The following PLEKHA4 variants were observed in gnomAD, a reference collection of about 807,000 sequenced individuals.
PLEKHA4 encodes the protein pleckstrin homology domain containing A4.
Under a neutral mutation model 94.7 loss-of-function variants are expected in PLEKHA4, and 73 were observed. The ratio of observed to expected loss-of-function variants is 0.77; its 90% CI spans 0.64 to 0.94. PLEKHA4 has a LOEUF of 0.94. PLEKHA4 is among the 40% of genes least tolerant of loss of function. PLEKHA4 has a pLI of 0.00. For missense variants in PLEKHA4, 1,049 were observed against 1,054.1 expected, an observed-to-expected ratio of 1.00 and a Z score of 0.07; for synonymous variants, 449 against 437.1, an observed-to-expected ratio of 1.03 and a Z score of -0.34.
rs374929174 is a variant in PLEKHA4, at chr19:48,861,435, G to A, written c.332C>T (p.Pro111Leu). The change falls in exon 5 of 20, where the codon CCG (proline) becomes CTG (leucine). Residue 111 changes from proline (P) to leucine (L), a missense_variant. By Grantham distance (98) the Pro-to-Leu change is moderately conservative. Transcript: ENST00000263265. ...GAAGCGCCGCCCTCGGGGGGCTCCC[G>A]GCCCATCTGGTCTAATATTGTAGCT... ...LPSYNIRPDG[P>L]GAPRGRRFTF... is the part of the protein sequence containing the mutation. The A allele has an allele frequency of 1.4e-5, 22 of 1,613,850 alleles. No individual in the cohort carries two copies. Among genetic ancestry groups the A allele is most frequent in the East Asian group, 4.5e-5 (2 of 44,890 alleles).
chr19:48,860,573 G>C, intron 5 of PLEKHA4, 114 bp from the exon 6 acceptor site: 2 of 735,748 alleles, frequency 2.7e-6, no homozygotes, highest in Non-Finnish European at 4.7e-6. Flanking sequence ...GATGCGGGAG[G>C]ATGGCTTGAG....
chr19:48,860,198 T>G (rs2036580468), intron 6 of PLEKHA4, 152 bp downstream of exon 6: 1 of 644,990 alleles, frequency 1.6e-6, no homozygotes, highest in African/African-American at 1.8e-5. Context: ...ATTGGAAAAG[T>G]TCCCTGGAGG....
chr19:48,859,182 C>G, intron 7 of PLEKHA4, 43 bp from the exon 8 acceptor site: 2 of 1,417,668 alleles, frequency 1.4e-6, no homozygotes, highest in East Asian at 2.5e-5. Context: ...AACTAGAGCC[C>G]TCTCCATCCA....
rs33993078 is a variant in PLEKHA4, at chr19:48,860,415, G to C, written c.411C>G (p.Thr137=). 0.024 allele frequency: 37,984 copies of C among 1,614,106 alleles called. 590 individuals are homozygous for C. The highest frequency in any genetic ancestry group is 0.071 in the Middle Eastern group (433 of 6,058). Residue 137 remains threonine (T), a synonymous_variant, in exon 6 of 20, where the codon ACC becomes ACG. Transcript: ENST00000263265. ...GTAGCCAGCCCCGCAGGTCTTCTAA[G>C]GTGTCAGCGGCCAAAACGTAGGTCC... ...GMRTYVLAAD[T]LEDLRGWLRA... is the part of the protein sequence containing the mutation.
In PLEKHA4 at chr19:48,858,932, T is replaced by A; in HGVS notation, c.900A>T (p.Gly300=). The A allele has an allele frequency of 6.3e-7, 1 of 1,599,458 alleles. No individual in the cohort carries two copies. The highest frequency in any genetic ancestry group is 8.5e-7 in the Non-Finnish European group (1 of 1,175,648). Reference sequence around the variant, plus strand: ...TTCCTCCCCCAGCCTCAGAGGGAGGTCCTCGGCGGGGAGTAGGGGGTCGGG... The same window carrying A: ...TTCCTCCCCCAGCCTCAGAGGGAGGACCTCGGCGGGGAGTAGGGGGTCGGG... The part of the protein sequence containing the change: ...TLSRPPTPRR[G]PPSEAGGGKP... The change falls in exon 8 of 20, where the codon GGA becomes GGT. Residue 300 remains glycine (G), a synonymous_variant. Transcript: ENST00000263265.
At chr19:48,860,177 G>T in intron 6 of PLEKHA4, 173 bp downstream of exon 6, 1 of 609,712 alleles carries the variant, frequency 1.6e-6, no homozygotes, top group Non-Finnish European at 2.9e-6. Context: ...AAGGGAGAAA[G>T]ACTTTTGCTG....
chr19:48,846,732 C>A (rs2035984649), intron 14 of PLEKHA4, among the ~76,000 whole-genome samples: 1 of 152,136 alleles, frequency 6.6e-6, no homozygotes, highest in South Asian at 2.1e-4. Flanking sequence ...GGCACCACTG[C>A]ACTCCAGCCT....
intron 13 of PLEKHA4, among the ~76,000 whole-genome samples, chr19:48,848,852 G>C (rs1452700636): frequency 6.6e-6 from 1 of 151,790 alleles, no homozygotes; most frequent in Non-Finnish European, 1.5e-5. Flanking sequence ...TTGTTTTACT[G>C]TGTTACATCT....
At position 48,862,051 on chromosome 19, in the gene PLEKHA4, T is replaced by C. The variant is rs149242640; in HGVS notation, c.193-359A>G. Among the ~76,000 whole-genome samples, 486 of 151,258 alleles carry C rather than the reference T, an allele frequency of 3.2e-3. 4 individuals are homozygous for C. Among genetic ancestry groups the C allele is most frequent in the African/African-American group, 9.0e-3 (370 of 41,232 alleles). On this transcript the variant is annotated intron_variant, in intron 3 of 19. Coordinates refer to ENST00000263265, the MANE Select transcript of PLEKHA4 (RefSeq NM_020904.3). ...CTGAGGAGGGAGGATCACTTGAGCC[T>C]GGGAGTGGGGTGGAGGCACAGGAGA...
chr19:48,847,244 G>A (rs932829581), intron 14 of PLEKHA4, among the ~76,000 whole-genome samples: 5 of 152,034 alleles, frequency 3.3e-5, no homozygotes, highest in Non-Finnish European at 5.9e-5. Flanking sequence ...AGACTTGGCA[G>A]CAAAGTGAGG....
intron 13 of PLEKHA4, among the ~76,000 whole-genome samples, chr19:48,851,923 G>C (rs143106765): frequency 0.017 from 2,627 of 152,200 alleles, 34 homozygotes; most frequent in Middle Eastern, 0.048. Context: ...CAGCCTGGGC[G>C]ACAGAGTGAG....
Position 48,839,278 on chromosome 19 carries a change from G to A in PLEKHA4, c.1906-15C>T, listed in dbSNP as rs768097313. On this transcript the variant is annotated splice_polypyrimidine_tract_variant and intron_variant, in intron 17 of 19. Transcript: ENST00000263265. Reference sequence around the variant, plus strand: ...CCTACGACAGGCTGGAAAGGAATTGGGGCATTAGAACTCCTCACCTGGAAG... The same window carrying A: ...CCTACGACAGGCTGGAAAGGAATTGAGGCATTAGAACTCCTCACCTGGAAG... 1.9e-6 allele frequency: 3 copies of A among 1,567,060 alleles called. No individual in the cohort carries two copies. Among genetic ancestry groups the A allele is most frequent in the Non-Finnish European group, 8.7e-7 (1 of 1,150,830 alleles).
chr19:48,865,712 C>A, intron 2 of PLEKHA4, 102 bp from the exon 3 acceptor site: 1 of 751,990 alleles, frequency 1.3e-6, no homozygotes. Context: ...CTTGGCTGCC[C>A]TGAGAAATGG....
chr19:48,851,210 G>A (rs2123018883), intron 13 of PLEKHA4, among the ~76,000 whole-genome samples: 1 of 152,242 alleles, frequency 6.6e-6, no homozygotes, highest in Admixed American at 6.5e-5. Flanking sequence ...TTGAGGGGAT[G>A]GACACCCCAT....
At position 48,837,174 on chromosome 19, in the gene PLEKHA4, CG is replaced by C. The variant is rs2035556574; in HGVS notation, c.*114del. ...TTGGCCATAGAAACCATTCCCCTCC[CG>C]GGCCCGCAATGGGGACCAGACCACG... On this transcript the variant is annotated 3_prime_UTR_variant, in exon 20 of 20. Transcript: ENST00000263265. This position sits in a 1 kb window ranked among gnomAD's most constrained non-coding sequence, Gnocchi z 4.3. 1 of 1,473,760 alleles carries C rather than the reference CG, an allele frequency of 6.8e-7. No homozygotes were observed. The highest frequency in any genetic ancestry group is 9.4e-7 in the Non-Finnish European group (1 of 1,065,698). The allele number at this position is 1,473,760 out of a possible 1,614,324, so 91.3% of individuals were successfully genotyped here. A position where few individuals can be genotyped will look rare whatever the true frequency, so the allele number is the denominator to read the frequency against.
At chr19:48,861,152 G>A (rs1348740666) in intron 5 of PLEKHA4, among the ~76,000 whole-genome samples, 1 of 152,130 alleles carries the variant, frequency 6.6e-6, no homozygotes, top group Non-Finnish European at 1.5e-5. Context: ...AGGTTGCAGT[G>A]AGCCGAGATC....
At chr19:48,861,755 G>A in intron 3 of PLEKHA4, 63 bp from the exon 4 acceptor site, 1 of 1,400,184 alleles carries the variant, frequency 7.1e-7, no homozygotes, top group African/African-American at 1.4e-5. Flanking sequence ...GATGAAGGCA[G>A]TGACGATGGG....
At position 48,867,405 on chromosome 19, in the gene PLEKHA4, GGGACCTTACTAT is replaced by G. The variant is rs1237139515; in HGVS notation, c.84+120_84+131del. The G allele has an allele frequency of 3.0e-6, 3 of 1,005,400 alleles. No individual in the cohort carries two copies. The East Asian group carries it at 7.9e-5, about 26-fold the overall frequency. The allele number at this position is 1,005,400 out of a possible 1,614,324, so 62.3% of individuals were successfully genotyped here. A position where few individuals can be genotyped will look rare whatever the true frequency, so the allele number is the denominator to read the frequency against. ...CCTAGCTGCGGTGTGTAGGCAATTT[GGGACCTTACTAT>G]GTCTGGCAGACCCCGTTGCTAAGGA... is the stretch of plus-strand genomic sequence containing the variant. On this transcript the variant is annotated intron_variant, in intron 2 of 19. Coordinates refer to ENST00000263265, the MANE Select transcript of PLEKHA4 (RefSeq NM_020904.3). This position sits in a 1 kb window ranked among gnomAD's most constrained non-coding sequence, Gnocchi z 4.7.
At position 48,858,963 on chromosome 19, in the gene PLEKHA4, G is replaced by T; in HGVS notation, c.869C>A (p.Thr290Asn). ...GCGGGGAGTAGGGGGTCGGGAGAGG[G>T]TCTGGCGTTGGGGGCCCCAATCCAG... The part of the protein sequence containing the change: ...PPLDWGPQRQ[T>N]LSRPPTPRRG... Residue 290 changes from threonine (T) to asparagine (N), a missense_variant, in exon 8 of 20, where the codon ACC (threonine) becomes AAC (asparagine). Coordinates refer to ENST00000263265, the MANE Select transcript of PLEKHA4 (RefSeq NM_020904.3). The T allele has an allele frequency of 3.1e-6, 5 of 1,590,484 alleles. No homozygotes were observed. The highest frequency in any genetic ancestry group is 4.3e-6 in the Non-Finnish European group (5 of 1,172,634).
Sources: allele counts gnomAD v4.1 joint callset (sites outside exome capture counted in the v4.1 genomes callset), GRCh38; gene constraint gnomAD v4.1.1; non-coding constraint Gnocchi (gnomAD v3.1); transcripts MANE v1.5; gene names NCBI Gene and HGNC (gene_info 2026-07-23, HGNC 2026-07-21).